Variants in XKR5 observed in about 807,000 individuals in gnomAD.
XKR5 encodes the protein XK-related protein 5.
Under a neutral mutation model 40.8 loss-of-function variants are expected in XKR5, and 46 were observed. That is an observed-to-expected ratio of 1.13 (90% CI 0.89 to 1.44). The LOEUF is 1.44. Ranked by LOEUF, XKR5 falls within the 40% of genes most tolerant of loss-of-function variation. The probability of loss-of-function intolerance (pLI) is 0.00; values close to 1 mark genes in which losing one functional copy is unlikely to be tolerated. For missense variants in XKR5, 1,169 were observed against 844.7 expected, an observed-to-expected ratio of 1.38 and a Z score of -4.76; for synonymous variants, 466 against 356.1, an observed-to-expected ratio of 1.31 and a Z score of -3.48.
At chr8:6,827,180 C>G (rs1420704939) in intron 2 of XKR5, among the ~76,000 whole-genome samples, 1 of 152,152 alleles carries the variant, frequency 6.6e-6, no homozygotes, top group African/African-American at 2.4e-5. Flanking sequence ...TCGCCACCAC[C>G]CACCAATTCC....
intron 6 of XKR5, among the ~76,000 whole-genome samples, chr8:6,813,652 G>A (rs1045948586): frequency 2.6e-5 from 4 of 152,204 alleles, no homozygotes; most frequent in East Asian, 1.9e-4. Context: ...ATCAGAGGCC[G>A]GAGGAGGAGC....
rs1006693475 is a variant in XKR5, at chr8:6,808,563, T to G, written c.*2635A>C. On this transcript the variant is annotated 3_prime_UTR_variant, in exon 7 of 7. Transcript: ENST00000618742. ...TATTAGTCTTCTCTAATAAATATAG[T>G]GTATATTTTCTGATCCTTTTCATCA... The G allele has an allele frequency of 3.3e-5, 5 of 152,188 alleles. No homozygotes were observed. Among genetic ancestry groups the G allele is most frequent in the Non-Finnish European group, 7.3e-5 (5 of 68,036 alleles). The allele number at this position is 152,188 out of a possible 1,614,324, so 9.4% of individuals were successfully genotyped here.
chr8:6,830,406 G>C (rs1423839283), intron 2 of XKR5, among the ~76,000 whole-genome samples: 1 of 152,164 alleles, frequency 6.6e-6, no homozygotes, highest in African/African-American at 2.4e-5. Flanking sequence ...ATCCACTGCT[G>C]TCTATTTTAA....
intron 6 of XKR5, among the ~76,000 whole-genome samples, chr8:6,814,732 C>G (rs1029266710): frequency 1.3e-5 from 2 of 152,134 alleles, no homozygotes; most frequent in African/African-American, 4.8e-5. Context: ...AAGTGAGGAC[C>G]CGTGACGTCT....
At position 6,815,839 on chromosome 8, in the gene XKR5, G is replaced by A. The variant is rs375494069; in HGVS notation, c.887C>T (p.Thr296Ile). Residue 296 changes from threonine (T) to isoleucine (I), a missense_variant, in exon 6 of 7, where the codon ACC becomes ATC. Physicochemically the swap from Thr to Ile is moderately conservative, Grantham distance 89. Coordinates refer to ENST00000618742, the MANE Select transcript of XKR5 (RefSeq NM_207411.5). Reference sequence around the variant, plus strand: ...AAATCCAGACAGGACCCCAGCTATGGTCTGCAGGCTGGTCCACGATGCCCC... The same window carrying A: ...AAATCCAGACAGGACCCCAGCTATGATCTGCAGGCTGGTCCACGATGCCCC... ...LQGASWTSLQTIAGVLSGFLI... is the reference protein window; with the variant it reads ...LQGASWTSLQIIAGVLSGFLI... 1.2e-6 allele frequency: 2 copies of A among 1,605,216 alleles called. No individual in the cohort carries two copies. The highest frequency in any genetic ancestry group is 1.7e-5 in the Admixed American group (1 of 58,916).
chr8:6,831,255 C>T (rs181387040), intron 2 of XKR5, among the ~76,000 whole-genome samples: 11 of 152,322 alleles, frequency 7.2e-5, no homozygotes, highest in Admixed American at 5.9e-4. Flanking sequence ...TGAGGCCCTC[C>T]GAAAGATCCT....
At position 6,810,553 on chromosome 8, in the gene XKR5, G is replaced by A. The variant is rs1232117938; in HGVS notation, c.*645C>T. The A allele has an allele frequency of 6.6e-6, 1 of 152,258 alleles. No individual in the cohort carries two copies. Among genetic ancestry groups the A allele is most frequent in the Non-Finnish European group, 1.5e-5 (1 of 68,068 alleles). 9.4% of individuals were successfully genotyped at this position (152,258 alleles called of 1,614,324 possible). On this transcript the variant is annotated 3_prime_UTR_variant, in exon 7 of 7. Coordinates refer to ENST00000618742, the MANE Select transcript of XKR5 (RefSeq NM_207411.5). The stretch of plus-strand genomic sequence containing the variant: ...GCTGATGGTCTGAGAGTGAATTGCA[G>A]AAAATGTGTGCATGTGCCCTTAGCA...
At chr8:6,827,582 G>C (rs540749073) in intron 2 of XKR5, among the ~76,000 whole-genome samples, 1 of 152,190 alleles carries the variant, frequency 6.6e-6, no homozygotes, top group Non-Finnish European at 1.5e-5. Flanking sequence ...ATTTCTTACT[G>C]TGTCTTGATT....
At chr8:6,830,552 C>T (rs193153518) in intron 2 of XKR5, among the ~76,000 whole-genome samples, 2 of 152,308 alleles carry the variant, frequency 1.3e-5, no homozygotes, top group Non-Finnish European at 2.9e-5. Context: ...GACCCGCTTC[C>T]GATAGCTGTG....
In XKR5 at chr8:6,825,354, G is replaced by T; in HGVS notation, c.243-5C>A. 2 of 1,536,844 alleles carry T rather than the reference G, an allele frequency of 1.3e-6. No individual in the cohort carries two copies. The highest frequency in any genetic ancestry group is 2.4e-5 in the East Asian group (1 of 42,278). Reference sequence around the variant, plus strand: ...GTCAGTGCAGCGTCCCAGTGCCTAGGGAACAGCAGAGGGCACGTGACACGG... The same window carrying T: ...GTCAGTGCAGCGTCCCAGTGCCTAGTGAACAGCAGAGGGCACGTGACACGG... On this transcript the variant is annotated splice_region_variant and splice_polypyrimidine_tract_variant and intron_variant, in intron 2 of 6. Transcript: ENST00000618742.
At chr8:6,816,688 T>A (rs1000788984) in intron 5 of XKR5, among the ~76,000 whole-genome samples, 4 of 111,224 alleles carry the variant, frequency 3.6e-5, no homozygotes, top group Non-Finnish European at 1.8e-5. Flanking sequence ...TTTAATTTAA[T>A]TAAAAATAAT....
chr8:6,822,009 G>T lies in XKR5; in HGVS notation c.667C>A (p.Leu223Ile). The T allele has an allele frequency of 6.2e-7, 1 of 1,606,214 alleles. No homozygotes were observed. The highest frequency in any genetic ancestry group is 8.5e-7 in the Non-Finnish European group (1 of 1,176,550). The change falls in exon 5 of 7, where the codon CTT becomes ATT. Residue 223 changes from leucine (L) to isoleucine (I), a missense_variant. By Grantham distance (5) the Leu-to-Ile change is conservative. Transcript: ENST00000618742. ...ATGATGTCACTCTGCTGGGCGACAA[G>T]CCAGAATGTCATCACCAGCCAGTGG... ...GAHWLVMTFW[L>I]VAQQSDIIDS...
intron 6 of XKR5, among the ~76,000 whole-genome samples, chr8:6,815,267 G>A (rs1036046480): frequency 3.3e-5 from 5 of 152,218 alleles, no homozygotes; most frequent in African/African-American, 1.2e-4. Context: ...TTGGGGCCAT[G>A]CATTCATAAA....
At chr8:6,815,782 A>C in intron 6 of XKR5, 25 bp downstream of exon 6, 1 of 1,500,136 alleles carries the variant, frequency 6.7e-7, no homozygotes. Flanking sequence ...GGGGATGCAG[A>C]GAAGAAGGTG....
chr8:6,812,806 C>CA (rs1392636200), intron 6 of XKR5, among the ~76,000 whole-genome samples: 1 of 152,188 alleles, frequency 6.6e-6, no homozygotes, highest in Admixed American at 6.5e-5. Flanking sequence ...GAAATAACCT[C>CA]AAAAACAAGT....
intron 2 of XKR5, among the ~76,000 whole-genome samples, chr8:6,830,955 G>A (rs754771403): frequency 6.6e-6 from 1 of 152,184 alleles, no homozygotes; most frequent in Non-Finnish European, 1.5e-5. Context: ...TGGATTCCAT[G>A]AGGCCTGAGG....
intron 5 of XKR5, among the ~76,000 whole-genome samples, chr8:6,819,607 A>G (rs1465535893): frequency 1.3e-5 from 2 of 152,174 alleles, no homozygotes; most frequent in African/African-American, 4.8e-5. Flanking sequence ...GCCCAGACTC[A>G]GGTCTGGGCA....
chr8:6,819,891 C>T (rs1187452642), intron 5 of XKR5, among the ~76,000 whole-genome samples: 2 of 146,448 alleles, frequency 1.4e-5, no homozygotes, highest in Admixed American at 6.7e-5. Flanking sequence ...TTCCTTCCTT[C>T]CTCCTTTCCT....
intron 5 of XKR5, among the ~76,000 whole-genome samples, chr8:6,820,840 C>T (rs1804199988): frequency 6.6e-6 from 1 of 152,202 alleles, no homozygotes; most frequent in Admixed American, 6.5e-5. Flanking sequence ...GCTTCCCTTT[C>T]CTGGACAGGA....
Sources: gnomAD v4.1 joint callset for allele counts (sites outside exome capture counted in the v4.1 genomes callset) on GRCh38, gnomAD v4.1.1 for gene constraint, MANE v1.5 for transcripts, NCBI Gene and HGNC (gene_info 2026-07-23, HGNC 2026-07-21) for gene names.